The following NHSL1 variants were observed in gnomAD, a reference collection of about 807,000 sequenced individuals.
NHSL1 encodes NHS-like protein 1.
In NHSL1, 48 loss-of-function variants were observed where a neutral mutation model predicts 95.0. The observed-to-expected ratio is 0.51, with a 90% CI of 0.40 to 0.64. The LOEUF is 0.64. NHSL1 is among the 30% of genes least tolerant of loss of function. NHSL1 has a pLI of 0.00. For synonymous variants in NHSL1, 783 were observed against 833.9 expected (o/e 0.94, Z 1.05); for missense variants, 1,971 against 2,077.7 (o/e 0.95, Z 1.00).
At chr6:138,648,625 C>A (rs760950449) in intron 1 of NHSL1, among the ~76,000 whole-genome samples, 1 of 152,202 alleles carries the variant, frequency 6.6e-6, no homozygotes, top group Non-Finnish European at 1.5e-5. Context: ...GGAACTTGCA[C>A]AGTATCGATT....
chr6:138,596,859 T>C (rs1280961865), intron 1 of NHSL1, among the ~76,000 whole-genome samples: 1 of 152,104 alleles, frequency 6.6e-6, no homozygotes, highest in Non-Finnish European at 1.5e-5. Flanking sequence ...ATTCCTACCT[T>C]GCGTGAGTTA....
chr6:138,545,909 C>G (rs1352104916), upstream of NHSL1: 3 of 848,606 alleles, frequency 3.5e-6, no homozygotes, highest in East Asian at 2.5e-4. Flanking sequence ...TAGCAGTCAC[C>G]GTTCATATAG....
intron 1 of NHSL1, among the ~76,000 whole-genome samples, chr6:138,588,233 C>A (rs577231152): frequency 6.6e-6 from 1 of 152,182 alleles, no homozygotes; most frequent in Non-Finnish European, 1.5e-5. Flanking sequence ...GAAGCCCAGG[C>A]GGGCAGATCA....
At chr6:138,487,921 G>T (rs549793084) in intron 2 of NHSL1, among the ~76,000 whole-genome samples, 4 of 152,288 alleles carry the variant, frequency 2.6e-5, no homozygotes, top group African/African-American at 9.6e-5. Context: ...GCCAATATTT[G>T]TTTCAACTAG....
chr6:138,509,927 T>A (rs1781141050), intron 1 of NHSL1, among the ~76,000 whole-genome samples: 1 of 152,210 alleles, frequency 6.6e-6, no homozygotes, highest in South Asian at 2.1e-4. Flanking sequence ...TACATCAATT[T>A]ATAACCAAAA....
chr6:138,536,602 CTTTTTTTTT>C (rs563509738), intron 1 of NHSL1, among the ~76,000 whole-genome samples: 5,460 of 80,078 alleles, frequency 0.068, 92 homozygotes, highest in African/African-American at 0.095. Context: ...CATATGTCAT[CTTTTTTTTT>C]TTTTTTTTTT....
intron 1 of NHSL1, among the ~76,000 whole-genome samples, chr6:138,677,535 TCA>T (rs957030501): frequency 1.3e-5 from 2 of 152,122 alleles, no homozygotes; most frequent in African/African-American, 4.8e-5. Context: ...AAAACAAGAC[TCA>T]CTGTTGCACG....
chr6:138,432,268 C>T lies in NHSL1; in HGVS notation c.2077G>A (p.Gly693Arg), dbSNP rs796827066. 5.2e-6 allele frequency: 8 copies of T among 1,550,904 alleles called. No individual in the cohort carries two copies. The highest frequency in any genetic ancestry group is 4.8e-5 in the South Asian group (4 of 83,990). ...RIPKKSSQCNGQVLNESLIAT... is the reference protein window; with the variant it reads ...RIPKKSSQCNRQVLNESLIAT... ...ATCAGGCTCTCGTTGAGCACCTGCC[C>T]GTTGCACTGGCTGCTCTTCTTGGGA... Residue 693 changes from glycine to arginine, a missense_variant, in exon 6 of 8, where the codon GGG becomes AGG. Physicochemically the swap from Gly to Arg is moderately radical, Grantham distance 125. This residue lies in a region of NHSL1 where 1,602 missense variants were observed against 1,654.5 expected (regional missense o/e 0.97). Coordinates refer to ENST00000343505, the MANE Select transcript of NHSL1 (RefSeq NM_001144060.2). The surrounding 1 kb of genome is among the most constrained non-coding windows in gnomAD (Gnocchi z 4.4).
At chr6:138,688,672 G>A (rs4896384) in intron 1 of NHSL1, among the ~76,000 whole-genome samples, 95,225 of 151,900 alleles carry the variant, frequency 0.63, 32,570 homozygotes, top group East Asian at 0.91. Context: ...TAAAAAAATA[G>A]AAACAGACTA....
chr6:138,525,569 AAATAAAT>A (rs1781869352), intron 1 of NHSL1, among the ~76,000 whole-genome samples: 1 of 150,126 alleles, frequency 6.7e-6, no homozygotes, highest in Admixed American at 6.6e-5. Flanking sequence ...ATAAATAAAT[AAATAAAT>A]AAAAAGGGAA....
At chr6:138,449,591 C>T (rs942184550) in intron 3 of NHSL1, among the ~76,000 whole-genome samples, 1 of 151,914 alleles carries the variant, frequency 6.6e-6, no homozygotes, top group Non-Finnish European at 1.5e-5. Flanking sequence ...GCAGGAGAAT[C>T]GCTTGAACTC....
intron 3 of NHSL1, among the ~76,000 whole-genome samples, chr6:138,460,748 ATG>A (rs1777940900): frequency 6.6e-6 from 1 of 151,792 alleles, no homozygotes; most frequent in Non-Finnish European, 1.5e-5. Context: ...TGCTTAAAAA[ATG>A]TGTTAGAGAT....
upstream of NHSL1, chr6:138,572,620 AAAGAC>A (rs1390546079): frequency 6.6e-6 from 1 of 152,216 alleles, no homozygotes; most frequent in Non-Finnish European, 1.5e-5. Flanking sequence ...CACTCCTGCG[AAAGAC>A]GATAGGCTTT....
chr6:138,619,880 G>A (rs868380348), intron 1 of NHSL1, among the ~76,000 whole-genome samples: 53 of 150,616 alleles, frequency 3.5e-4, no homozygotes, highest in Admixed American at 9.3e-4. Flanking sequence ...CCCGGGAAGC[G>A]GAGGTTGCAG....
rs562063807 is a variant in NHSL1 at position 138,473,142 on chromosome 6, C to T, written c.339+164G>A. Among the ~76,000 whole-genome samples, 122 of 152,316 alleles carry T rather than the reference C, an allele frequency of 8.0e-4. 1 individual carries two copies. The highest frequency in any genetic ancestry group is 1.5e-3 in the South Asian group (7 of 4,824). On this transcript the variant is annotated intron_variant, in intron 3 of 7. Coordinates refer to ENST00000343505, the MANE Select transcript of NHSL1 (RefSeq NM_001144060.2). ...CTTTACCCAGTTTCCATTTATGTTA[C>T]TCTTACATAATTATGGCGCATTTGT...
chr6:138,627,566 T>C (rs562124231), intron 1 of NHSL1, among the ~76,000 whole-genome samples: 57 of 152,182 alleles, frequency 3.7e-4, no homozygotes, highest in Non-Finnish European at 6.6e-4. Flanking sequence ...TATTCAAATA[T>C]ATCAGTAGTA....
At chr6:138,437,434 ACACAC>A (rs1369345951) in intron 5 of NHSL1, among the ~76,000 whole-genome samples, 5 of 37,822 alleles carry the variant, frequency 1.3e-4, no homozygotes, top group South Asian at 1.1e-3. Context: ...ACACACACAC[ACACAC>A]ACACACAAAA....
chr6:138,431,165 G>A lies in NHSL1; in HGVS notation c.3180C>T (p.Thr1060=). The part of the protein sequence containing the change: ...SLRPPSTKEE[T]SRPPMPLITT... ...TTATCAGGGGCATGGGGGGCCTGCT[G>A]GTCTCCTCCTTGGTAGAAGGCGGCC... The change falls in exon 6 of 8, where the codon ACC becomes ACT. Residue 1060 remains threonine, a synonymous_variant. Coordinates refer to ENST00000343505, the MANE Select transcript of NHSL1 (RefSeq NM_001144060.2). This position sits in a 1 kb window ranked among gnomAD's most constrained non-coding sequence, Gnocchi z 4.0. 6.4e-7 allele frequency: 1 copy of A among 1,551,222 alleles called. No individual in the cohort carries two copies.
chr6:138,544,474 A>C (rs1160710017), intron 1 of NHSL1, among the ~76,000 whole-genome samples: 1 of 152,062 alleles, frequency 6.6e-6, no homozygotes, highest in Non-Finnish European at 1.5e-5. Flanking sequence ...TACTATATAA[A>C]GGAATATCCC....
Sources: gnomAD v4.1 joint callset for allele counts (sites outside exome capture counted in the v4.1 genomes callset) on GRCh38, gnomAD v4.1.1 for gene constraint, gnomAD v4.1.1 regional missense constraint, Gnocchi (gnomAD v3.1) non-coding constraint, MANE v1.5 for transcripts, NCBI Gene and HGNC (gene_info 2026-07-23, HGNC 2026-07-21) for gene names.